SIPA1L1: variants seen among roughly 807,000 people sequenced by gnomAD.
SIPA1L1 encodes signal induced proliferation associated 1 like 1.
In SIPA1L1, 26 loss-of-function variants were observed where a neutral mutation model predicts 162.7. The ratio of observed to expected loss-of-function variants is 0.16; its 90% CI spans 0.12 to 0.22. The LOEUF is 0.22. Among genes scored for constraint, SIPA1L1 ranks in the 10% least tolerant of loss-of-function variants. The pLI is 1.00. For synonymous variants in SIPA1L1, 829 were observed against 837.4 expected, an observed-to-expected ratio of 0.99 and a Z score of 0.17; for missense variants, 1,874 against 2,241.0, an observed-to-expected ratio of 0.84 and a Z score of 3.31.
intron 2 of SIPA1L1, among the ~76,000 whole-genome samples, chr14:71,479,336 G>T (rs199709783): frequency 1.0e-4 from 15 of 148,332 alleles, no homozygotes; most frequent in South Asian, 2.2e-4. Context: ...TGTGTATGTA[G>T]GTATGTATGT....
intron 12 of SIPA1L1, among the ~76,000 whole-genome samples, chr14:71,678,760 G>A (rs560936106): frequency 7.2e-5 from 11 of 151,838 alleles, no homozygotes; most frequent in East Asian, 1.9e-4. Context: ...CTGTGAATCC[G>A]TCTGGTCCTG....
At chr14:71,614,839 TTATTAACAAAG>T (rs2038645011) in intron 5 of SIPA1L1, among the ~76,000 whole-genome samples, 1 of 152,334 alleles carries the variant, frequency 6.6e-6, no homozygotes, top group Admixed American at 6.5e-5. Flanking sequence ...ACAGTTTTTA[TTATTAACAAAG>T]TAACCTTATT....
intron 12 of SIPA1L1, among the ~76,000 whole-genome samples, chr14:71,680,883 T>C (rs759544084): frequency 7.2e-5 from 11 of 152,148 alleles, no homozygotes; most frequent in Non-Finnish European, 1.6e-4. Context: ...GGGTTGTCTT[T>C]GGAAATGCAG....
chr14:71,737,492 C>T (rs1566770586), intron 22 of SIPA1L1, among the ~76,000 whole-genome samples: 1 of 151,944 alleles, frequency 6.6e-6, no homozygotes, highest in Non-Finnish European at 1.5e-5. Context: ...TTGTCAGTTC[C>T]TCAGCCATAG....
At position 71,342,347 on chromosome 14, in the gene SIPA1L1, G is replaced by A. The variant is rs142819464; in HGVS notation, c.-465+21166G>A. On this transcript the variant is annotated intron_variant, in intron 2 of 23. Coordinates refer to ENST00000381232, the MANE Select transcript of SIPA1L1 (RefSeq NM_001386936.1). ...TTTTCCTTTGGGTATATACCTAGTA[G>A]TGGGATTGCTGGGTTGAATGTAGCT... 4.6e-5 allele frequency among the ~76,000 whole-genome samples: 7 copies of A among 152,294 alleles called. No homozygotes were observed. In the East Asian group the frequency reaches 1.4e-3, roughly 29 times the overall value.
chr14:71,670,980 A>G, intron 10 of SIPA1L1, 139 bp from the exon 11 acceptor site: 1 of 705,718 alleles, frequency 1.4e-6, no homozygotes, highest in Non-Finnish European at 2.4e-6. Context: ...TTAAGCAGAA[A>G]TGTGTGTTGT....
At position 71,585,798 on chromosome 14, in the gene SIPA1L1, C is replaced by A. The variant is rs374809946; in HGVS notation, c.-302-1773C>A. On this transcript the variant is annotated intron_variant, in intron 4 of 23. Coordinates refer to ENST00000381232, the MANE Select transcript of SIPA1L1 (RefSeq NM_001386936.1). ...TATTATTTATGCTATGTAGAGTATT[C>A]ATTGAAATAATCAGCTTTTGGGGAG... is the stretch of plus-strand genomic sequence containing the variant. 1.1e-4 allele frequency among the ~76,000 whole-genome samples: 17 copies of A among 152,280 alleles called. No individual in the cohort carries two copies. In the South Asian group the frequency reaches 2.9e-3, roughly 26 times the overall value.
At chr14:71,482,629 AGAGAG>A (rs1427707806) in intron 2 of SIPA1L1, among the ~76,000 whole-genome samples, 3 of 152,212 alleles carry the variant, frequency 2.0e-5, no homozygotes, top group Non-Finnish European at 4.4e-5. Context: ...AGACAGGATT[AGAGAG>A]GAGAGAAGAA....
At chr14:71,466,580 G>GA (rs201849523) in intron 2 of SIPA1L1, among the ~76,000 whole-genome samples, 2,372 of 117,848 alleles carry the variant, frequency 0.02, 56 homozygotes, top group East Asian at 0.1. Flanking sequence ...GAGCCATACT[G>GA]AAAAAAAAAA....
At chr14:71,447,145 G>C (rs934821541) in intron 2 of SIPA1L1, among the ~76,000 whole-genome samples, 1 of 151,286 alleles carries the variant, frequency 6.6e-6, no homozygotes, top group Non-Finnish European at 1.5e-5. Flanking sequence ...TGAACTCCTG[G>C]GCAAGTGATC....
At chr14:71,429,192 G>A (rs138703665) in intron 2 of SIPA1L1, among the ~76,000 whole-genome samples, 280 of 152,206 alleles carry the variant, frequency 1.8e-3, no homozygotes, top group Non-Finnish European at 2.5e-3. Context: ...ATTTTTTCAA[G>A]ATTAATTTTT....
intron 5 of SIPA1L1, among the ~76,000 whole-genome samples, chr14:71,596,728 C>T (rs1276952000): frequency 6.6e-6 from 1 of 152,132 alleles, no homozygotes; most frequent in East Asian, 1.9e-4. Context: ...ATTAAACAGA[C>T]GTTTTTTAAA....
At chr14:71,466,967 A>G (rs2047051822) in intron 2 of SIPA1L1, among the ~76,000 whole-genome samples, 1 of 152,202 alleles carries the variant, frequency 6.6e-6, no homozygotes, top group African/African-American at 2.4e-5. Flanking sequence ...TCATTAATAG[A>G]TGTAATATTT....
intron 2 of SIPA1L1, among the ~76,000 whole-genome samples, chr14:71,446,928 T>G (rs1244519449): frequency 7.9e-6 from 1 of 126,010 alleles, no homozygotes; most frequent in Non-Finnish European, 1.7e-5. Context: ...TTTTTTTTTT[T>G]TGAGACAGGC....
At chr14:71,347,955 C>CT (rs2036328705) in intron 2 of SIPA1L1, among the ~76,000 whole-genome samples, 1 of 152,030 alleles carries the variant, frequency 6.6e-6, no homozygotes, top group Admixed American at 6.6e-5. Context: ...GGAGGCCAGA[C>CT]TTTAAGTGGA....
intron 2 of SIPA1L1, among the ~76,000 whole-genome samples, chr14:71,419,498 T>G (rs2140525973): frequency 7.2e-6 from 1 of 139,562 alleles, no homozygotes; most frequent in South Asian, 2.4e-4. Context: ...TTTTTTTTTT[T>G]TTTTTTTTTT....
At chr14:71,735,441 A>G (rs1187417736) in intron 22 of SIPA1L1, 50 bp downstream of exon 22, 5 of 1,265,108 alleles carry the variant, frequency 4.0e-6, no homozygotes, top group Non-Finnish European at 4.6e-6. Flanking sequence ...CACATCTGCC[A>G]CTGACTGCAT....
intron 4 of SIPA1L1, among the ~76,000 whole-genome samples, chr14:71,553,460 A>G (rs1239472913): frequency 1.3e-5 from 2 of 152,236 alleles, no homozygotes; most frequent in Non-Finnish European, 2.9e-5. Flanking sequence ...TTGCTTCTGC[A>G]TTCTTTTTTC....
chr14:71,485,576 C>G (rs2048690267), intron 2 of SIPA1L1, among the ~76,000 whole-genome samples: 1 of 151,912 alleles, frequency 6.6e-6, no homozygotes, highest in Non-Finnish European at 1.5e-5. Context: ...CCAGATGGGA[C>G]CATCTAGTTG....
Sources: allele counts gnomAD v4.1 joint callset (sites outside exome capture counted in the v4.1 genomes callset), GRCh38; gene constraint gnomAD v4.1.1; transcripts MANE v1.5; gene names NCBI Gene and HGNC (gene_info 2026-07-23, HGNC 2026-07-21).